Variants in DSCAML1 observed in about 807,000 individuals in gnomAD.
The protein encoded by DSCAML1 is cell adhesion molecule DSCAML1.
Under a neutral mutation model 200.5 loss-of-function variants are expected in DSCAML1, and 38 were observed. That is an observed-to-expected ratio of 0.19 (90% CI 0.15 to 0.25). The LOEUF is 0.25. Ranked by LOEUF, DSCAML1 falls within the 10% of genes least tolerant of loss-of-function variation. The pLI is 1.00. For missense variants in DSCAML1, 2,223 were observed against 2,858.8 expected, an observed-to-expected ratio of 0.78 and a Z score of 5.07; for synonymous variants, 1,215 against 1,165.0, an observed-to-expected ratio of 1.04 and a Z score of -0.87.
At chr11:117,582,560 T>C (rs2051060060) in intron 3 of DSCAML1, among the ~76,000 whole-genome samples, 1 of 152,202 alleles carries the variant, frequency 6.6e-6, no homozygotes. Flanking sequence ...TAAGGATGCC[T>C]GGGTAAGCAT....
At chr11:117,585,619 T>C (rs1343765600) in intron 3 of DSCAML1, among the ~76,000 whole-genome samples, 1 of 152,190 alleles carries the variant, frequency 6.6e-6, no homozygotes, top group Non-Finnish European at 1.5e-5. Flanking sequence ...AGAACAGCAC[T>C]GGTATTTAAG....
chr11:117,798,774 G>T (rs2055627788), upstream of DSCAML1, among the ~76,000 whole-genome samples: 1 of 152,122 alleles, frequency 6.6e-6, no homozygotes, highest in Admixed American at 6.5e-5. Context: ...CTTTAAACGG[G>T]TGAGAAAATC....
chr11:117,676,684 A>C (rs1257030097), intron 3 of DSCAML1, among the ~76,000 whole-genome samples: 2 of 152,222 alleles, frequency 1.3e-5, no homozygotes, highest in East Asian at 3.8e-4. Context: ...GCAGCTGCTC[A>C]GCAGATGTCT....
upstream of DSCAML1, among the ~76,000 whole-genome samples, chr11:117,799,438 G>C (rs774071836): frequency 2.6e-5 from 4 of 152,082 alleles, no homozygotes; most frequent in Non-Finnish European, 4.4e-5. Flanking sequence ...TACAACCTGA[G>C]TGTAGGAGGC....
intron 3 of DSCAML1, among the ~76,000 whole-genome samples, chr11:117,615,799 G>T (rs148020759): frequency 2.5e-3 from 384 of 152,314 alleles, no homozygotes; most frequent in African/African-American, 8.2e-3. Flanking sequence ...GCAAGTAGCT[G>T]TTGGCTAGGG....
Position 117,443,973 on chromosome 11 carries a change from GA to G in DSCAML1, c.3774del (p.Gln1259SerfsTer22). 1.9e-6 allele frequency: 3 copies of G among 1,613,942 alleles called. No individual in the cohort carries two copies. The Admixed American group carries it at 5.0e-5, about 27-fold the overall frequency. On this transcript the variant is annotated frameshift_variant, in exon 21 of 33. Transcript: ENST00000651296. LOFTEE classifies it high-confidence loss of function. ...GCGGCCACCCACAGCAGATACTGCTGACCGCGGTTTAGGTGGGCGATCCGGT... is the reference window on the plus strand; with the variant it reads ...GCGGCCACCCACAGCAGATACTGCTGCCGCGGTTTAGGTGGGCGATCCGGT... ...LFYRIAHLNRGQQYLLWVAAV... is the reference protein window; with the variant it reads ...LFYRIAHLNRXQQYLLWVAAV...
intron 20 of DSCAML1, among the ~76,000 whole-genome samples, chr11:117,449,419 C>T (rs565448312): frequency 1.8e-4 from 28 of 152,102 alleles, no homozygotes; most frequent in Non-Finnish European, 3.7e-4. Flanking sequence ...ACTCTGGTCT[C>T]ACTGGCGGGG....
intron 21 of DSCAML1, among the ~76,000 whole-genome samples, chr11:117,443,052 G>T (rs2048100508): frequency 6.6e-6 from 1 of 152,190 alleles, no homozygotes; most frequent in Non-Finnish European, 1.5e-5. Context: ...AGCTTGAGTG[G>T]CCCCGGTAGG....
chr11:117,739,236 A>T (rs773806654), intron 3 of DSCAML1, among the ~76,000 whole-genome samples: 1 of 152,190 alleles, frequency 6.6e-6, no homozygotes. Context: ...CTCCCACTGC[A>T]CAGGCTACCA....
chr11:117,535,662 A>C (rs969413999), intron 3 of DSCAML1, among the ~76,000 whole-genome samples: 1 of 151,998 alleles, frequency 6.6e-6, no homozygotes, highest in African/African-American at 2.4e-5. Context: ...GCTCTCTTGT[A>C]ATTTATTATG....
intron 3 of DSCAML1, among the ~76,000 whole-genome samples, chr11:117,619,552 T>C (rs962744279): frequency 6.6e-6 from 1 of 152,244 alleles, no homozygotes; most frequent in Admixed American, 6.5e-5. Flanking sequence ...TCTCTTTTTG[T>C]ACTCTTTGCA....
chr11:117,552,248 G>C (rs1013660026), intron 3 of DSCAML1, among the ~76,000 whole-genome samples: 2 of 152,124 alleles, frequency 1.3e-5, no homozygotes, highest in Non-Finnish European at 2.9e-5. Context: ...TGTCTCAACA[G>C]GTGCCTGGGA....
chr11:117,649,548 C>G (rs1349211008), intron 3 of DSCAML1, among the ~76,000 whole-genome samples: 1 of 152,178 alleles, frequency 6.6e-6, no homozygotes, highest in Non-Finnish European at 1.5e-5. Flanking sequence ...GTCACCAGGG[C>G]TTGGCTCTGC....
intron 21 of DSCAML1, among the ~76,000 whole-genome samples, chr11:117,441,985 TGTGTGTATGTGTGG>T (rs2137089303): frequency 6.6e-6 from 1 of 151,770 alleles, no homozygotes; most frequent in Admixed American, 6.6e-5. Flanking sequence ...TGTGCATATG[TGTGTGTATGTGTGG>T]GTGTGTATGT....
chr11:117,506,014 T>C (rs2049489859), intron 8 of DSCAML1, among the ~76,000 whole-genome samples: 1 of 152,246 alleles, frequency 6.6e-6, no homozygotes, highest in Non-Finnish European at 1.5e-5. Flanking sequence ...TCATGCCTGC[T>C]GATCTCTGCT....
intron 20 of DSCAML1, among the ~76,000 whole-genome samples, chr11:117,449,308 G>A (rs974700354): frequency 2.0e-5 from 3 of 152,074 alleles, no homozygotes; most frequent in African/African-American, 7.2e-5. Flanking sequence ...ATTCGCGGAG[G>A]TCTACAGTGA....
chr11:117,505,274 T>A lies in DSCAML1; in HGVS notation c.2062+180A>T, dbSNP rs763858132. On this transcript the variant is annotated intron_variant, in intron 9 of 32. Transcript: ENST00000651296. The surrounding 1 kb of genome is among the most constrained non-coding windows in gnomAD (Gnocchi z 6.7). The stretch of plus-strand genomic sequence containing the variant: ...CACTGACTAACTGAGCAAGTGTCTC[T>A]CTGCTCAGGGCTTCGGTTTCCTGCC... Among the ~76,000 whole-genome samples, 2 of 152,164 alleles carry A rather than the reference T, an allele frequency of 1.3e-5. No homozygotes were observed. The highest frequency in any genetic ancestry group is 2.9e-5 in the Non-Finnish European group (2 of 68,032).
chr11:117,679,014 G>C (rs776092115), intron 3 of DSCAML1, among the ~76,000 whole-genome samples: 2 of 152,238 alleles, frequency 1.3e-5, no homozygotes, highest in Non-Finnish European at 2.9e-5. Flanking sequence ...GCACACATAT[G>C]GGGGAGGGGC....
At chr11:117,530,172 C>T (rs369600267) in intron 4 of DSCAML1, among the ~76,000 whole-genome samples, 2 of 152,064 alleles carry the variant, frequency 1.3e-5, no homozygotes, top group Non-Finnish European at 1.5e-5. Context: ...CCCCTTCTCC[C>T]GGAAGCTGGT....
Sources: allele counts gnomAD v4.1 joint callset (sites outside exome capture counted in the v4.1 genomes callset), GRCh38; gene constraint gnomAD v4.1.1; non-coding constraint Gnocchi (gnomAD v3.1); transcripts MANE v1.5; gene names NCBI Gene and HGNC (gene_info 2026-07-23, HGNC 2026-07-21).